Variants in SVOPL observed in about 807,000 individuals in gnomAD.
SVOPL encodes SVOP like.
SVOPL carries 60 observed loss-of-function variants against 61.0 expected under a neutral mutation model. The observed-to-expected ratio is 0.98, with a 90% CI of 0.80 to 1.22. SVOPL has a LOEUF of 1.22. Among genes scored for constraint, SVOPL ranks in the 50% most tolerant of loss-of-function variants. The probability of loss-of-function intolerance (pLI) is 0.00; values close to 1 mark genes in which losing one functional copy is unlikely to be tolerated. For synonymous variants in SVOPL, 279 were observed against 250.0 expected (o/e 1.12, Z -1.09); for missense variants, 662 against 643.9 (o/e 1.03, Z -0.30).
At chr7:138,649,398 A>T (rs1342374220) in intron 7 of SVOPL, among the ~76,000 whole-genome samples, 1 of 152,000 alleles carries the variant, frequency 6.6e-6, no homozygotes, top group African/African-American at 2.4e-5. Context: ...GGTTCAAATG[A>T]TTCTCATGCC....
intron 14 of SVOPL, among the ~76,000 whole-genome samples, chr7:138,611,572 G>C (rs1799002704): frequency 6.6e-6 from 1 of 152,014 alleles, no homozygotes; most frequent in Non-Finnish European, 1.5e-5. Context: ...AACTTGTGAA[G>C]TTCTCTGTCA....
chr7:138,678,836 A>G (rs368972155), intron 2 of SVOPL, 128 bp downstream of exon 2: 1 of 914,610 alleles, frequency 1.1e-6, no homozygotes, highest in Non-Finnish European at 1.6e-6. Flanking sequence ...TCCCAAAGTG[A>G]TGGGATTACA....
intron 11 of SVOPL, among the ~76,000 whole-genome samples, chr7:138,627,929 G>A (rs1799965172): frequency 6.6e-6 from 1 of 151,904 alleles, no homozygotes; most frequent in African/African-American, 2.4e-5. Context: ...AAATGTAAGG[G>A]TGAAAAAAAC....
chr7:138,657,020 G>A (rs1322682362), intron 6 of SVOPL, among the ~76,000 whole-genome samples: 3 of 150,244 alleles, frequency 2.0e-5, no homozygotes, highest in African/African-American at 4.9e-5. Context: ...CCAGCAACAA[G>A]AGCGAAACTC....
chr7:138,613,851 A>G (rs900920241), intron 14 of SVOPL, among the ~76,000 whole-genome samples: 18 of 152,186 alleles, frequency 1.2e-4, no homozygotes, highest in African/African-American at 4.1e-4. Context: ...CAATTTCCAC[A>G]GTGTACACAC....
At chr7:138,632,715 G>C (rs533246359) in intron 9 of SVOPL, among the ~76,000 whole-genome samples, 2 of 151,188 alleles carry the variant, frequency 1.3e-5, no homozygotes, top group East Asian at 2.0e-4. Context: ...GAGACAGGGG[G>C]TTGTGGAGGG....
chr7:138,655,856 C>G (rs989468352), intron 7 of SVOPL, among the ~76,000 whole-genome samples: 1 of 152,032 alleles, frequency 6.6e-6, no homozygotes, highest in Non-Finnish European at 1.5e-5. Context: ...GTTGAAATTA[C>G]AACAAAGAAT....
intron 13 of SVOPL, among the ~76,000 whole-genome samples, chr7:138,621,854 C>CTATG (rs1563095529): frequency 2.8e-4 from 7 of 24,986 alleles, no homozygotes; most frequent in South Asian, 1.4e-3. Flanking sequence ...ATGTATCTAT[C>CTATG]TATCTATCTA....
intron 1 of SVOPL, chr7:138,689,356 G>A (rs999624635): frequency 1.6e-5 from 26 of 1,589,502 alleles, no homozygotes; most frequent in African/African-American, 2.7e-5. Flanking sequence ...CCTAAGATGC[G>A]CCGCCGGATC....
At chr7:138,644,898 G>GTAATA (rs1801020602) in intron 8 of SVOPL, 53 bp from the exon 9 acceptor site, 1 of 1,610,606 alleles carries the variant, frequency 6.2e-7, no homozygotes, top group African/African-American at 1.3e-5. Flanking sequence ...AGAACCCAGG[G>GTAATA]GTACAGCTAT....
At chr7:138,621,986 CTATG>C (rs1563095831) in intron 13 of SVOPL, among the ~76,000 whole-genome samples, 8 of 17,296 alleles carry the variant, frequency 4.6e-4, no homozygotes, top group Admixed American at 1.8e-3. Context: ...ATCTATCTAT[CTATG>C]TATCTATCTA....
intron 5 of SVOPL, chr7:138,660,590 G>A (rs545499108): frequency 5.1e-6 from 5 of 985,374 alleles, no homozygotes; most frequent in East Asian, 1.1e-4. Flanking sequence ...TTGCTCTACT[G>A]TTGCAGTTTA....
In SVOPL at chr7:138,597,238, C is replaced by T. The variant is rs755444689; in HGVS notation, c.1354-708G>A. 7.0e-6 allele frequency: 9 copies of T among 1,287,928 alleles called. No individual in the cohort carries two copies. The South Asian group carries it at 1.1e-4, about 16-fold the overall frequency. The allele number at this position is 1,287,928 out of a possible 1,614,324, so 79.8% of individuals were successfully genotyped here. A position where few individuals can be genotyped will look rare whatever the true frequency, so the allele number is the denominator to read the frequency against. Reference sequence around the variant, plus strand: ...AGTAAAGTATGAAGTGGTTAACCAACAGCAAAGCTCTCTAGAATCACAGAA... The same window carrying T: ...AGTAAAGTATGAAGTGGTTAACCAATAGCAAAGCTCTCTAGAATCACAGAA... On this transcript the variant is annotated intron_variant, in intron 14 of 15. Coordinates refer to ENST00000674285, the MANE Select transcript of SVOPL (RefSeq NM_001139456.2).
intron 10 of SVOPL, among the ~76,000 whole-genome samples, chr7:138,629,319 C>G (rs1017551076): frequency 6.6e-6 from 1 of 151,830 alleles, no homozygotes; most frequent in Non-Finnish European, 1.5e-5. Flanking sequence ...CAACCTCCAC[C>G]TCCTGGGTTC....
chr7:138,686,670 A>T lies in SVOPL; in HGVS notation c.-34-7591T>A, dbSNP rs1233136345. The stretch of plus-strand genomic sequence containing the variant: ...AACCTCCGCCTCCCAGGTTCAAGCA[A>T]TTCTCCTGCCTCAGCCTCCCGAGTA... On this transcript the variant is annotated intron_variant, in intron 1 of 15. Coordinates refer to ENST00000674285, the MANE Select transcript of SVOPL (RefSeq NM_001139456.2). 5.4e-5 allele frequency among the ~76,000 whole-genome samples: 8 copies of T among 148,032 alleles called. No homozygotes were observed. In the East Asian group the frequency reaches 1.7e-3, roughly 31 times the overall value.
intron 9 of SVOPL, among the ~76,000 whole-genome samples, chr7:138,641,824 A>ATTT (rs1800809789): frequency 7.1e-6 from 1 of 139,906 alleles, no homozygotes; most frequent in Non-Finnish European, 1.5e-5. Flanking sequence ...TTATATATAT[A>ATTT]TATATATATA....
intron 1 of SVOPL, among the ~76,000 whole-genome samples, chr7:138,679,558 C>T (rs779015738): frequency 9.9e-5 from 15 of 152,104 alleles, no homozygotes; most frequent in Middle Eastern, 3.2e-3. Flanking sequence ...TAGGCGTGAA[C>T]GACTGTGCCC....
At chr7:138,602,868 G>A (rs541450555) in intron 14 of SVOPL, among the ~76,000 whole-genome samples, 1 of 151,938 alleles carries the variant, frequency 6.6e-6, no homozygotes, top group Non-Finnish European at 1.5e-5. Flanking sequence ...GTGTGTTCGT[G>A]TCATCAGTCT....
At chr7:138,656,349 C>G in intron 7 of SVOPL, 99 bp downstream of exon 7, 1 of 1,201,172 alleles carries the variant, frequency 8.3e-7, no homozygotes, top group Non-Finnish European at 1.2e-6. Flanking sequence ...TTAATTGCAG[C>G]GAGCTGGTAC....
Sources: gnomAD v4.1 joint callset for allele counts (sites outside exome capture counted in the v4.1 genomes callset) on GRCh38, gnomAD v4.1.1 for gene constraint, MANE v1.5 for transcripts, NCBI Gene and HGNC (gene_info 2026-07-23, HGNC 2026-07-21) for gene names.